LNPEP: variants seen among roughly 807,000 people sequenced by gnomAD.
LNPEP encodes leucyl-cystinyl aminopeptidase.
Under a neutral mutation model 120.6 loss-of-function variants are expected in LNPEP, and 64 were observed. That is an observed-to-expected ratio of 0.53 (90% CI 0.43 to 0.65). The LOEUF (loss-of-function observed/expected upper bound fraction) is 0.65. Among genes scored for constraint, LNPEP ranks in the 30% least tolerant of loss-of-function variants. The pLI is 0.00. For missense variants in LNPEP, 1,057 were observed against 1,200.0 expected, an observed-to-expected ratio of 0.88 and a Z score of 1.76; for synonymous variants, 435 against 425.4, an observed-to-expected ratio of 1.02 and a Z score of -0.28.
chr5:96,944,813 C>CTG (rs1428019103), intron 1 of LNPEP, among the ~76,000 whole-genome samples: 3 of 151,966 alleles, frequency 2.0e-5, no homozygotes, highest in African/African-American at 7.3e-5. Flanking sequence ...CTCAAGTCAT[C>CTG]ACCCACCTCA....
intron 1 of LNPEP, among the ~76,000 whole-genome samples, chr5:96,975,288 C>CA (rs34855196): frequency 1.3e-5 from 2 of 151,622 alleles, no homozygotes; most frequent in Non-Finnish European, 2.9e-5. Context: ...TTCCTTGCCT[C>CA]AAAAAAAATT....
intron 8 of LNPEP, 131 bp downstream of exon 8, chr5:96,998,276 ATGTT>A: frequency 1.4e-6 from 1 of 732,618 alleles, no homozygotes; most frequent in South Asian, 1.9e-5. Context: ...AAACTATAAA[ATGTT>A]TGCTTCTGTA....
rs113870342 is a variant in LNPEP at position 97,002,297 on chromosome 5, G to A, written c.1654-1118G>A. Among the ~76,000 whole-genome samples, 99 of 152,264 alleles carry A rather than the reference G, an allele frequency of 6.5e-4. 1 individual carries two copies. Among genetic ancestry groups the A allele is most frequent in the African/African-American group, 2.2e-3 (93 of 41,550 alleles). ...GGGAACAAAAAAACAGCACGGTAAC[G>A]AGTTGGTAACGAGGAGGGTGAAGTT... On this transcript the variant is annotated intron_variant, in intron 8 of 17. Transcript: ENST00000231368.
At position 97,032,372 on chromosome 5, in the gene LNPEP, A is replaced by G. The variant is rs189867934; in HGVS notation, c.*3839A>G. On this transcript the variant is annotated 3_prime_UTR_variant, in exon 18 of 18. Transcript: ENST00000231368. Reference sequence around the variant, plus strand: ...GTACTACCTGAAAAGTAGCGGTTCAAAAGTATGGTAAATCTCCTCCCTTAA... The same window carrying G: ...GTACTACCTGAAAAGTAGCGGTTCAGAAGTATGGTAAATCTCCTCCCTTAA... 6.6e-6 allele frequency: 1 copy of G among 152,282 alleles called. No homozygotes were observed. The highest frequency in any genetic ancestry group is 1.9e-4 in the East Asian group (1 of 5,190). 9.4% of individuals were successfully genotyped at this position (152,282 alleles called of 1,614,324 possible).
At chr5:97,008,292 T>A (rs1314061097) in intron 11 of LNPEP, among the ~76,000 whole-genome samples, 5 of 151,644 alleles carry the variant, frequency 3.3e-5, no homozygotes, top group African/African-American at 1.2e-4. Flanking sequence ...GCTTTTATTA[T>A]CTGTTTTTTG....
Position 97,003,435 on chromosome 5 carries a change from G to A in LNPEP, c.1674G>A (p.Met558Ile). Residue 558 changes from methionine to isoleucine, a missense_variant, in exon 9 of 18, where the codon ATG (methionine) becomes ATA (isoleucine). Met to Ile is a conservative substitution (Grantham distance 10). Transcript: ENST00000231368. ...SYFKGSSLLL[M>I]LKTYLSEDVF... Reference sequence around the variant, plus strand: ...AATAGGGATCTTCTCTCTTGTTGATGTTGAAAACTTACCTTAGTGAAGATG... The same window carrying A: ...AATAGGGATCTTCTCTCTTGTTGATATTGAAAACTTACCTTAGTGAAGATG... 1 of 1,560,092 alleles carries A rather than the reference G, an allele frequency of 6.4e-7. No homozygotes were observed. The highest frequency in any genetic ancestry group is 1.4e-5 in the African/African-American group (1 of 72,628).
intron 1 of LNPEP, among the ~76,000 whole-genome samples, chr5:96,959,958 A>C (rs890799409): frequency 1.3e-4 from 9 of 71,962 alleles, no homozygotes; most frequent in African/African-American, 5.2e-4. Context: ...TTTTTTTTTG[A>C]GACCAAGTCT....
At chr5:97,022,815 G>A (rs1280787268) in intron 14 of LNPEP, among the ~76,000 whole-genome samples, 1 of 116,496 alleles carries the variant, frequency 8.6e-6, no homozygotes, top group Non-Finnish European at 1.6e-5. Flanking sequence ...AGTCCCCAGA[G>A]TGTGATGTTC....
chr5:96,951,136 A>G lies in LNPEP; in HGVS notation c.19+14962A>G, dbSNP rs61099108. On this transcript the variant is annotated intron_variant, in intron 1 of 17. Transcript: ENST00000231368. Reference sequence around the variant, plus strand: ...AGAGCGAGCTTTGCTGTTTCTTTCTATCAAGGACACCAATCCTATTGGATT... The same window carrying G: ...AGAGCGAGCTTTGCTGTTTCTTTCTGTCAAGGACACCAATCCTATTGGATT... 1.6e-3 allele frequency among the ~76,000 whole-genome samples: 236 copies of G among 152,248 alleles called. 8 individuals carry two copies. The East Asian group carries it at 0.041, about 27-fold the overall frequency.
intron 15 of LNPEP, among the ~76,000 whole-genome samples, chr5:97,025,514 T>C (rs1791315763): frequency 6.6e-6 from 1 of 152,200 alleles, no homozygotes; most frequent in Admixed American, 6.5e-5. Flanking sequence ...AGAATGCCCA[T>C]GATAAAGAAT....
chr5:97,014,707 T>TA lies in LNPEP; in HGVS notation c.2220-223dup, dbSNP rs879277466. ...TAGCAATTTACAGGAGACTTAGGAA[T>TA]AAAAAAAAATGAGCTATTGTTTATC... On this transcript the variant is annotated intron_variant, in intron 12 of 17. Coordinates refer to ENST00000231368, the MANE Select transcript of LNPEP (RefSeq NM_005575.3). 1.9e-3 allele frequency among the ~76,000 whole-genome samples: 289 copies of TA among 151,466 alleles called. 2 individuals carry two copies. Among genetic ancestry groups the TA allele is most frequent in the Non-Finnish European group, 3.6e-3 (242 of 67,764 alleles).
At chr5:96,993,330 A>G (rs1172204262) in intron 5 of LNPEP, among the ~76,000 whole-genome samples, 195 bp downstream of exon 5, 1 of 152,218 alleles carries the variant, frequency 6.6e-6, no homozygotes, top group Admixed American at 6.5e-5. Context: ...AGCTTAAAAC[A>G]CTTAAGTTTA....
At chr5:97,017,282 G>C (rs983875345) in intron 13 of LNPEP, among the ~76,000 whole-genome samples, 1 of 151,834 alleles carries the variant, frequency 6.6e-6, no homozygotes, top group South Asian at 2.1e-4. Context: ...ATGTTCTTTT[G>C]TAAAATGCCC....
chr5:97,021,471 G>C (rs545713542), intron 13 of LNPEP, among the ~76,000 whole-genome samples: 1 of 152,292 alleles, frequency 6.6e-6, no homozygotes, highest in South Asian at 2.1e-4. Flanking sequence ...CATCAAACTA[G>C]TTAATAATGT....
At chr5:97,019,026 T>G (rs942370181) in intron 13 of LNPEP, among the ~76,000 whole-genome samples, 11 of 152,220 alleles carry the variant, frequency 7.2e-5, no homozygotes, top group African/African-American at 2.7e-4. Context: ...ATTTCACTTT[T>G]AAGAAACTCA....
intron 1 of LNPEP, among the ~76,000 whole-genome samples, chr5:96,970,618 T>TG (rs1789837252): frequency 6.6e-6 from 1 of 151,956 alleles, no homozygotes; most frequent in African/African-American, 2.4e-5. Flanking sequence ...TCATTTTTTT[T>TG]GGATTAAGTG....
Position 97,033,411 on chromosome 5 carries a change from G to A in LNPEP, c.*4878G>A, listed in dbSNP as rs903033133. The A allele has an allele frequency of 6.6e-6, 1 of 152,138 alleles. No individual in the cohort carries two copies. The allele number at this position is 152,138 out of a possible 1,614,324, so 9.4% of individuals were successfully genotyped here. On this transcript the variant is annotated 3_prime_UTR_variant, in exon 18 of 18. Transcript: ENST00000231368. ...GGTACCTAATGAACCATGGAGTTCC[G>A]GATGTATAACAGTCTCCTCTTTTCC...
At chr5:96,964,616 C>T (rs1300073435) in intron 1 of LNPEP, among the ~76,000 whole-genome samples, 1 of 151,990 alleles carries the variant, frequency 6.6e-6, no homozygotes, top group Non-Finnish European at 1.5e-5. Flanking sequence ...GTAAACTATA[C>T]TGCTGTAAAC....
chr5:97,001,856 C>G (rs1208688264), intron 8 of LNPEP, among the ~76,000 whole-genome samples: 1 of 152,052 alleles, frequency 6.6e-6, no homozygotes, highest in Non-Finnish European at 1.5e-5. Flanking sequence ...AAAAATACTT[C>G]CGGCCGGGCA....
Sources: gnomAD v4.1 joint callset for allele counts (sites outside exome capture counted in the v4.1 genomes callset) on GRCh38, gnomAD v4.1.1 for gene constraint, MANE v1.5 for transcripts, NCBI Gene and HGNC (gene_info 2026-07-23, HGNC 2026-07-21) for gene names.